ZHX2: variants seen among roughly 807,000 people sequenced by gnomAD.
ZHX2 encodes zinc fingers and homeoboxes 2.
ZHX2 carries 6 observed loss-of-function variants against 21.9 expected under a neutral mutation model. The ratio of observed to expected loss-of-function variants is 0.27; its 90% confidence interval spans 0.15 to 0.54. The LOEUF (loss-of-function observed/expected upper bound fraction) is 0.54, where lower values mean the gene tolerates loss of function less well. Among genes scored for constraint, ZHX2 ranks in the 20% least tolerant of loss-of-function variants. The pLI is 0.95. For synonymous variants in ZHX2, 434 were observed against 437.1 expected, an observed-to-expected ratio of 0.99 and a Z score of 0.09; for missense variants, 908 against 1,090.7, an observed-to-expected ratio of 0.83 and a Z score of 2.36.
At chr8:122,852,730 G>C (rs1288121129) in intron 1 of ZHX2, among the ~76,000 whole-genome samples, 1 of 152,206 alleles carries the variant, frequency 6.6e-6, no homozygotes, top group Non-Finnish European at 1.5e-5. Context: ...AGAATGGGAC[G>C]AGACGGGGCA....
Position 122,952,764 on chromosome 8 carries a change from C to T in ZHX2, c.1254C>T (p.Pro418=), listed in dbSNP as rs1813159281. 1 of 1,614,016 alleles carries T rather than the reference C, an allele frequency of 6.2e-7. No individual in the cohort carries two copies. The change falls in exon 3 of 4, where the codon CCC becomes CCT. Residue 418 remains proline (P), a synonymous_variant. Coordinates refer to ENST00000314393, the MANE Select transcript of ZHX2 (RefSeq NM_014943.5). This position sits in a 1 kb window ranked among gnomAD's most constrained non-coding sequence, Gnocchi z 6.9. ...PLVTPQAAPE[P]KRPHIAQVPE... is the part of the protein sequence containing the mutation. ...TGACTCCCCAAGCTGCCCCCGAACC[C>T]AAGCGTCCACACATCGCTCAGGTGC...
intron 2 of ZHX2, among the ~76,000 whole-genome samples, chr8:122,928,346 C>A (rs1018983702): frequency 6.6e-6 from 1 of 152,142 alleles, no homozygotes; most frequent in African/African-American, 2.4e-5. Flanking sequence ...AGGGGTCTGT[C>A]TGGCAAATCA....
chr8:122,806,290 A>G (rs927463027), intron 1 of ZHX2, among the ~76,000 whole-genome samples: 3 of 152,146 alleles, frequency 2.0e-5, no homozygotes, highest in African/African-American at 4.8e-5. Flanking sequence ...GTAGAAATGG[A>G]CCCAATAAGA....
At chr8:122,783,624 G>A (rs1817336923) in intron 1 of ZHX2, among the ~76,000 whole-genome samples, 1 of 152,160 alleles carries the variant, frequency 6.6e-6, no homozygotes, top group Admixed American at 6.5e-5. Context: ...TGAGGGCAGC[G>A]AGTTTAAGCA....
Position 122,894,509 on chromosome 8 carries a change from A to G in ZHX2, c.-220+30970A>G, listed in dbSNP as rs1055841052. On this transcript the variant is annotated intron_variant, in intron 2 of 3. Transcript: ENST00000314393. ...ATGTCCTTTGTAGGGACATGGATGAAGCTGGAAACCATCATTCTCAGCAAA... is the reference window on the plus strand; with the variant it reads ...ATGTCCTTTGTAGGGACATGGATGAGGCTGGAAACCATCATTCTCAGCAAA... Among the ~76,000 whole-genome samples the G allele has an allele frequency of 6.3e-4, 96 of 152,314 alleles. 1 individual carries two copies. The highest frequency in any genetic ancestry group is 2.2e-3 in the African/African-American group (91 of 41,562).
chr8:122,810,020 G>A (rs1817895202), intron 1 of ZHX2, among the ~76,000 whole-genome samples: 2 of 152,170 alleles, frequency 1.3e-5, no homozygotes, highest in Middle Eastern at 3.4e-3. Context: ...TTGATTTCTT[G>A]ACCATGGGCA....
chr8:122,935,036 T>C (rs1812645498), intron 2 of ZHX2, among the ~76,000 whole-genome samples: 4 of 152,278 alleles, frequency 2.6e-5, no homozygotes, highest in African/African-American at 9.6e-5. Context: ...TTTGACTACT[T>C]CAAAAAGCCG....
intron 2 of ZHX2, among the ~76,000 whole-genome samples, chr8:122,949,063 A>G (rs747600339): frequency 2.0e-5 from 3 of 152,232 alleles, no homozygotes; most frequent in Non-Finnish European, 2.9e-5. Context: ...AGTGGCTCAA[A>G]CCTGTAATCC....
At chr8:122,968,043 C>T (rs1205283569) in intron 3 of ZHX2, among the ~76,000 whole-genome samples, 6 of 151,952 alleles carry the variant, frequency 3.9e-5, no homozygotes, top group Non-Finnish European at 8.8e-5. Context: ...GATGAGAAGG[C>T]GGTGCAGAAA....
intron 2 of ZHX2, among the ~76,000 whole-genome samples, chr8:122,901,206 C>G (rs1457377909): frequency 6.6e-6 from 1 of 152,078 alleles, no homozygotes; most frequent in African/African-American, 2.4e-5. Flanking sequence ...AGAAATCATG[C>G]TAGAATGTGA....
chr8:122,831,743 G>C (rs1469657235), intron 1 of ZHX2, among the ~76,000 whole-genome samples: 1 of 152,182 alleles, frequency 6.6e-6, no homozygotes, highest in African/African-American at 2.4e-5. Flanking sequence ...GTTGATGAGA[G>C]AGCCATTTAT....
intron 2 of ZHX2, among the ~76,000 whole-genome samples, chr8:122,901,214 T>C (rs1820222179): frequency 6.6e-6 from 1 of 152,316 alleles, no homozygotes; most frequent in Admixed American, 6.5e-5. Flanking sequence ...TGCTAGAATG[T>C]GAGAATTTTT....
At chr8:122,864,641 C>T (rs1246151797) in intron 2 of ZHX2, among the ~76,000 whole-genome samples, 1 of 152,112 alleles carries the variant, frequency 6.6e-6, no homozygotes, top group African/African-American at 2.4e-5. Flanking sequence ...CACCCACCCC[C>T]CCACTCCCCA....
chr8:122,950,934 G>A (rs1018357361), intron 2 of ZHX2, among the ~76,000 whole-genome samples: 1 of 151,870 alleles, frequency 6.6e-6, no homozygotes, highest in Non-Finnish European at 1.5e-5. Flanking sequence ...GACACATCTC[G>A]CTTCCGAGGT....
intron 2 of ZHX2, among the ~76,000 whole-genome samples, chr8:122,872,125 C>T (rs77047816): frequency 0.13 from 19,531 of 152,008 alleles, 1,473 homozygotes; most frequent in African/African-American, 0.18. Context: ...GGTCTGCAGG[C>T]GAAGAAAAAA....
chr8:122,808,683 AAT>A, intron 1 of ZHX2: 1 of 152,338 alleles, frequency 6.6e-6, no homozygotes, highest in South Asian at 2.1e-4. Context: ...TTCAAAGCAC[AAT>A]GGTTAACCCA....
At chr8:122,780,926 A>G (rs1390836254), upstream of ZHX2, 2 of 152,238 alleles carry the variant, frequency 1.3e-5, no homozygotes, top group East Asian at 1.9e-4. Context: ...AACCAGCCTC[A>G]GACCTGGCGC....
chr8:122,897,621 GAACACT>G (rs1460984408), intron 2 of ZHX2, among the ~76,000 whole-genome samples: 4 of 151,548 alleles, frequency 2.6e-5, no homozygotes, highest in Admixed American at 2.0e-4. Flanking sequence ...AAGGAAACAG[GAACACT>G]AAAGACTAGG....
intron 1 of ZHX2, among the ~76,000 whole-genome samples, chr8:122,797,369 C>G (rs977933885): frequency 2.0e-5 from 3 of 152,212 alleles, no homozygotes; most frequent in African/African-American, 7.2e-5. Context: ...GTTGCCACTT[C>G]TGCTCACACA....
Sources: allele counts gnomAD v4.1 joint callset (sites outside exome capture counted in the v4.1 genomes callset), GRCh38; gene constraint gnomAD v4.1.1; non-coding constraint Gnocchi (gnomAD v3.1); transcripts MANE v1.5; gene names NCBI Gene and HGNC (gene_info 2026-07-23, HGNC 2026-07-21).